NEDD4L: variants seen among roughly 807,000 people sequenced by gnomAD.
NEDD4L encodes NEDD4 like E3 ubiquitin protein ligase.
Under a neutral mutation model 148.9 loss-of-function variants are expected in NEDD4L, and 54 were observed. The ratio of observed to expected loss-of-function variants is 0.36; its 90% CI spans 0.29 to 0.45. NEDD4L has a LOEUF of 0.45. Among genes scored for constraint, NEDD4L ranks in the 20% least tolerant of loss-of-function variants. NEDD4L has a pLI of 1.00. For missense variants in NEDD4L, 856 were observed against 1,233.8 expected, an observed-to-expected ratio of 0.69 and a Z score of 4.59; for synonymous variants, 433 against 440.7, an observed-to-expected ratio of 0.98 and a Z score of 0.22.
intron 2 of NEDD4L, among the ~76,000 whole-genome samples, chr18:58,223,794 C>T (rs2044041711): frequency 3.3e-5 from 5 of 152,224 alleles, no homozygotes; most frequent in Admixed American, 3.3e-4. Flanking sequence ...CGTTGGCCTT[C>T]AGGGCAATGG....
At chr18:58,263,677 T>TTTTC (rs1555775943) in intron 5 of NEDD4L, among the ~76,000 whole-genome samples, 2 of 145,020 alleles carry the variant, frequency 1.4e-5, no homozygotes, top group African/African-American at 2.5e-5. Context: ...TTTTTTTTTT[T>TTTTC]TCTCTCTCTC....
rs529461268 is a variant in NEDD4L at position 58,111,132 on chromosome 18, A to G, written c.49-54656A>G. The stretch of plus-strand genomic sequence containing the variant: ...GCCCAGGCTGGAGTGGAGTGGCACA[A>G]TCTCGGCTTACTGCAACCTCTGCCT... On this transcript the variant is annotated intron_variant, in intron 1 of 30. Transcript: ENST00000400345. Among the ~76,000 whole-genome samples the G allele has an allele frequency of 2.6e-5, 4 of 152,276 alleles. No individual in the cohort carries two copies. The East Asian group carries it at 7.7e-4, about 29-fold the overall frequency.
At chr18:58,061,219 G>A (rs1176925401) in intron 1 of NEDD4L, among the ~76,000 whole-genome samples, 2 of 152,146 alleles carry the variant, frequency 1.3e-5, no homozygotes, top group Non-Finnish European at 2.9e-5. Flanking sequence ...CTGCTGTAGT[G>A]TAGTATCAGT....
At chr18:58,264,890 AATC>A in intron 5 of NEDD4L, among the ~76,000 whole-genome samples, 1 of 152,120 alleles carries the variant, frequency 6.6e-6, no homozygotes. Flanking sequence ...ATTTTTGAAT[AATC>A]ACTGCACGTG....
chr18:58,199,306 T>C (rs2041122381), intron 2 of NEDD4L, among the ~76,000 whole-genome samples: 3 of 152,174 alleles, frequency 2.0e-5, no homozygotes. Flanking sequence ...TTGCCTTCTC[T>C]CCCACAAGGG....
At chr18:58,365,642 C>T (rs759646625) in intron 20 of NEDD4L, among the ~76,000 whole-genome samples, 42 of 152,218 alleles carry the variant, frequency 2.8e-4, no homozygotes, top group Non-Finnish European at 5.6e-4. Flanking sequence ...TTTTGACTAC[C>T]TGGGCTAAAG....
intron 2 of NEDD4L, among the ~76,000 whole-genome samples, chr18:58,166,421 T>G (rs909704865): frequency 6.6e-6 from 1 of 152,236 alleles, no homozygotes; most frequent in Non-Finnish European, 1.5e-5. Flanking sequence ...TCAGCCCTTT[T>G]GTTCCTATTG....
At chr18:58,382,355 T>G (rs1416519350) in intron 24 of NEDD4L, among the ~76,000 whole-genome samples, 1 of 152,086 alleles carries the variant, frequency 6.6e-6, no homozygotes, top group Non-Finnish European at 1.5e-5. Flanking sequence ...AACACTTACT[T>G]TGGAAAACCC....
At chr18:58,374,854 A>C (rs576274934) in intron 24 of NEDD4L, among the ~76,000 whole-genome samples, 3 of 151,688 alleles carry the variant, frequency 2.0e-5, no homozygotes, top group Admixed American at 1.3e-4. Flanking sequence ...CACCCTTGCT[A>C]TCTGGATTTC....
intron 1 of NEDD4L, among the ~76,000 whole-genome samples, chr18:58,156,754 C>A (rs918711229): frequency 6.6e-6 from 1 of 152,134 alleles, no homozygotes; most frequent in Non-Finnish European, 1.5e-5. Flanking sequence ...CTCATCTGCT[C>A]TCCTGCATGC....
intron 1 of NEDD4L, among the ~76,000 whole-genome samples, chr18:58,112,854 C>G (rs937849173): frequency 1.3e-5 from 2 of 152,280 alleles, no homozygotes; most frequent in South Asian, 4.1e-4. Flanking sequence ...TGAATATTTG[C>G]ATCCTAAACC....
chr18:58,390,509 C>T, intron 28 of NEDD4L, 137 bp from the exon 29 acceptor site: 1 of 594,162 alleles, frequency 1.7e-6, no homozygotes, highest in East Asian at 2.8e-5. Context: ...CCATAAAAAA[C>T]CTACTCAGTT....
chr18:58,335,636 T>G lies in NEDD4L; in HGVS notation c.1125+99T>G, dbSNP rs1423417537. On this transcript the variant is annotated intron_variant, in intron 13 of 30. Transcript: ENST00000400345. ...TATACGCTGTTTTTAAAAATAAGAT[T>G]AGCTCCTTTGTGCTACAGAGCTGCA... is the stretch of plus-strand genomic sequence containing the variant. 4.4e-6 allele frequency: 4 copies of G among 914,308 alleles called. No homozygotes were observed. In the African/African-American group the frequency reaches 6.5e-5, roughly 15 times the overall value. The allele number at this position is 914,308 out of a possible 1,614,324, so 56.6% of individuals were successfully genotyped here. A position where few individuals can be genotyped will look rare whatever the true frequency, so the allele number is the denominator to read the frequency against.
chr18:58,317,056 G>A (rs2058352083), intron 6 of NEDD4L, among the ~76,000 whole-genome samples: 1 of 146,258 alleles, frequency 6.8e-6, no homozygotes. Flanking sequence ...CTTTGAAGAT[G>A]TGTTGTGAAG....
intron 16 of NEDD4L, among the ~76,000 whole-genome samples, chr18:58,348,246 C>T (rs2043352366): frequency 1.3e-5 from 2 of 151,964 alleles, no homozygotes; most frequent in Admixed American, 1.3e-4. Flanking sequence ...AGTCCTCCCG[C>T]CTTGGCCTCC....
chr18:58,321,349 C>G (rs1310727372), intron 6 of NEDD4L, among the ~76,000 whole-genome samples: 1 of 152,200 alleles, frequency 6.6e-6, no homozygotes, highest in Non-Finnish European at 1.5e-5. Flanking sequence ...AGTCAGCTGT[C>G]CAGCAGAGGG....
At chr18:58,151,695 C>T (rs924430908) in intron 1 of NEDD4L, among the ~76,000 whole-genome samples, 24 of 145,008 alleles carry the variant, frequency 1.7e-4, no homozygotes, top group Non-Finnish European at 9.0e-5. Flanking sequence ...CTGGACATGT[C>T]GGGTAGAGTG....
chr18:58,341,722 C>G lies in NEDD4L; in HGVS notation c.1302C>G (p.Asn434Lys), dbSNP rs1362252752. The part of the protein sequence containing the change: ...GASGSATNSN[N>K]HLIEPQIRRP... ...CCGGATCAGCCACAAACAGTAACAA[C>G]CATCTAATCGAGCCTCAGATCCGCC... Residue 434 changes from asparagine to lysine, a missense_variant, in exon 15 of 31, where the codon AAC (asparagine) becomes AAG (lysine). Physicochemically the swap from Asn to Lys is moderately conservative, Grantham distance 94. Coordinates refer to ENST00000400345, the MANE Select transcript of NEDD4L (RefSeq NM_001144967.3). 5 of 1,613,934 alleles carry G rather than the reference C, an allele frequency of 3.1e-6. No homozygotes were observed. In the South Asian group the frequency reaches 5.5e-5, roughly 18 times the overall value.
intron 5 of NEDD4L, among the ~76,000 whole-genome samples, chr18:58,275,837 A>C (rs1313751788): frequency 6.6e-6 from 1 of 152,224 alleles, no homozygotes; most frequent in Non-Finnish European, 1.5e-5. Context: ...CCCTGGCTGC[A>C]CATGAGAATC....
Sources: allele counts gnomAD v4.1 joint callset (sites outside exome capture counted in the v4.1 genomes callset), GRCh38; gene constraint gnomAD v4.1.1; transcripts MANE v1.5; gene names NCBI Gene and HGNC (gene_info 2026-07-23, HGNC 2026-07-21).